DLC1: variants seen among roughly 807,000 people sequenced by gnomAD.
The protein encoded by DLC1 is rho GTPase-activating protein 7.
DLC1 carries 54 observed loss-of-function variants against 140.3 expected under a neutral mutation model. The ratio of observed to expected loss-of-function variants is 0.38; its 90% CI spans 0.31 to 0.48. DLC1 has a LOEUF of 0.48. Among genes scored for constraint, DLC1 ranks in the 20% least tolerant of loss-of-function variants. DLC1 has a pLI of 0.96. For synonymous variants in DLC1, 986 were observed against 728.1 expected (o/e 1.35, Z -5.70); for missense variants, 2,536 against 1,907.0 (o/e 1.33, Z -6.14).
chr8:13,454,584 C>G (rs1348332025), intron 2 of DLC1, among the ~76,000 whole-genome samples: 2 of 152,120 alleles, frequency 1.3e-5, no homozygotes, highest in African/African-American at 2.4e-5. Context: ...GAGATAGGGT[C>G]TTGCTCTGTC....
chr8:13,556,974 C>G (rs1300923420), intron 1 of DLC1, among the ~76,000 whole-genome samples: 1 of 152,124 alleles, frequency 6.6e-6, no homozygotes, highest in Non-Finnish European at 1.5e-5. Context: ...AGACAGTTAG[C>G]AATTTATTAT....
chr8:13,459,534 T>A (rs905503552), intron 2 of DLC1, among the ~76,000 whole-genome samples: 1 of 152,206 alleles, frequency 6.6e-6, no homozygotes, highest in African/African-American at 2.4e-5. Context: ...GAAATAAGTA[T>A]TGTCTCTCTG....
At chr8:13,183,963 T>G (rs1042158315) in intron 5 of DLC1, among the ~76,000 whole-genome samples, 13 of 152,206 alleles carry the variant, frequency 8.5e-5, no homozygotes, top group Non-Finnish European at 1.9e-4. Context: ...TTTTGGAAAG[T>G]AGGCTATTAA....
At chr8:13,453,113 G>A (rs1799144546) in intron 2 of DLC1, among the ~76,000 whole-genome samples, 1 of 151,108 alleles carries the variant, frequency 6.6e-6, no homozygotes, top group South Asian at 2.1e-4. Context: ...GACAGAATGA[G>A]CATCTTCAGC....
At chr8:13,227,041 T>C (rs1182283838) in intron 5 of DLC1, among the ~76,000 whole-genome samples, 3 of 152,088 alleles carry the variant, frequency 2.0e-5, no homozygotes, top group Admixed American at 2.0e-4. Flanking sequence ...GTGTATGGTA[T>C]AGGGGGCGGG....
At chr8:13,123,573 C>T (rs1821301333) in intron 5 of DLC1, among the ~76,000 whole-genome samples, 2 of 150,668 alleles carry the variant, frequency 1.3e-5, no homozygotes, top group African/African-American at 4.9e-5. Flanking sequence ...GTTTCGAATT[C>T]CTGACCTCAA....
At chr8:13,164,580 CATATCA>C (rs1351027796) in intron 5 of DLC1, among the ~76,000 whole-genome samples, 2 of 152,144 alleles carry the variant, frequency 1.3e-5, no homozygotes, top group African/African-American at 4.8e-5. Context: ...TCTATATGAG[CATATCA>C]ACATGGAACC....
intron 5 of DLC1, among the ~76,000 whole-genome samples, chr8:13,178,915 G>T (rs773167160): frequency 1.3e-5 from 2 of 151,972 alleles, no homozygotes; most frequent in African/African-American, 2.4e-5. Context: ...AATATACACC[G>T]AATACCAATT....
In DLC1 at chr8:13,099,469, G is replaced by A. The variant is rs756567103; in HGVS notation, c.2868C>T (p.Asn956=). Residue 956 remains asparagine, a synonymous_variant, in exon 9 of 18, where the codon AAC becomes AAT. Transcript: ENST00000276297. ...SPKQIHLDVD[N]DRTTPSDLDS... ...CCAGGTCGCTGGGTGTGGTTCGGTC[G>A]TTGTCCACATCCAGGTGTATCTGTT... 9.9e-6 allele frequency: 16 copies of A among 1,613,994 alleles called. No individual in the cohort carries two copies. Among genetic ancestry groups the A allele is most frequent in the African/African-American group, 9.3e-5 (7 of 74,912 alleles).
intron 5 of DLC1, among the ~76,000 whole-genome samples, chr8:13,141,414 C>G (rs146317294): frequency 6.6e-6 from 1 of 152,160 alleles, no homozygotes; most frequent in African/African-American, 2.4e-5. Context: ...ATAAATCAAT[C>G]CTGGAAAATC....
chr8:13,393,507 A>C, intron 4 of DLC1, 46 bp downstream of exon 4: 2 of 1,572,626 alleles, frequency 1.3e-6, no homozygotes, highest in Non-Finnish European at 1.7e-6. Context: ...CCTGATGATC[A>C]TCAACATTTA....
rs539546180 is a variant in DLC1, at chr8:13,331,414, A to G, written c.1315-26112T>C. ...ATAGTATTTTAATAAGTCTGGCTCA[A>G]TAAAGGCAACACTCCAAAGAAGATT... is the stretch of plus-strand genomic sequence containing the variant. On this transcript the variant is annotated intron_variant, in intron 4 of 17. Coordinates refer to ENST00000276297, the MANE Select transcript of DLC1 (RefSeq NM_182643.3). Among the ~76,000 whole-genome samples, 49 of 152,326 alleles carry G rather than the reference A, an allele frequency of 3.2e-4. 1 individual carries two copies. Among genetic ancestry groups the G allele is most frequent in the African/African-American group, 1.1e-3 (47 of 41,576 alleles).
At chr8:13,170,637 G>A (rs1199783864) in intron 5 of DLC1, among the ~76,000 whole-genome samples, 7 of 151,412 alleles carry the variant, frequency 4.6e-5, no homozygotes, top group Admixed American at 1.3e-4. Context: ...GGCTGAGGCA[G>A]GAGAATGGCG....
chr8:13,587,404 G>A (rs1805360170), intron 1 of DLC1, among the ~76,000 whole-genome samples: 1 of 151,836 alleles, frequency 6.6e-6, no homozygotes, highest in Admixed American at 6.6e-5. Flanking sequence ...ACAAAGCTCT[G>A]TTGGACCAAA....
chr8:13,541,889 A>C (rs1163141640), intron 1 of DLC1, among the ~76,000 whole-genome samples: 1 of 152,184 alleles, frequency 6.6e-6, no homozygotes, highest in East Asian at 1.9e-4. Context: ...GTGTAGTGTC[A>C]ATCAAATATT....
chr8:13,390,641 G>A (rs759152684), intron 4 of DLC1, among the ~76,000 whole-genome samples: 4 of 152,136 alleles, frequency 2.6e-5, no homozygotes, highest in East Asian at 1.9e-4. Flanking sequence ...CATGGCACAC[G>A]TATGCATACC....
At chr8:13,524,429 A>G (rs1802857473) in intron 1 of DLC1, among the ~76,000 whole-genome samples, 2 of 151,952 alleles carry the variant, frequency 1.3e-5, no homozygotes, top group African/African-American at 4.8e-5. Flanking sequence ...TGAGCTATCT[A>G]TTCTATTAAA....
chr8:13,483,725 C>G (rs981025080), intron 2 of DLC1, among the ~76,000 whole-genome samples: 1 of 152,032 alleles, frequency 6.6e-6, no homozygotes, highest in African/African-American at 2.4e-5. Context: ...TCCTTGAAAA[C>G]CATGTCTTCC....
intron 5 of DLC1, among the ~76,000 whole-genome samples, chr8:13,245,930 G>T (rs1178099514): frequency 6.6e-6 from 1 of 152,100 alleles, no homozygotes; most frequent in Non-Finnish European, 1.5e-5. Context: ...TTGAACTCCT[G>T]ACCTCAAGTG....
Sources: gnomAD v4.1 joint callset for allele counts (sites outside exome capture counted in the v4.1 genomes callset) on GRCh38, gnomAD v4.1.1 for gene constraint, MANE v1.5 for transcripts, NCBI Gene and HGNC (gene_info 2026-07-23, HGNC 2026-07-21) for gene names.